Variants in PTK2B observed in about 807,000 individuals in gnomAD.
The protein encoded by PTK2B is protein-tyrosine kinase 2-beta.
A neutral mutation model predicts 142.9 loss-of-function variants in PTK2B; 71 were observed. The observed-to-expected ratio is 0.50, with a 90% CI of 0.41 to 0.61. The LOEUF is 0.61. PTK2B is among the 20% of genes least tolerant of loss of function. PTK2B has a pLI of 0.00. For missense variants in PTK2B, 1,105 were observed against 1,320.4 expected (o/e 0.84, Z 2.53); for synonymous variants, 519 against 503.4 (o/e 1.03, Z -0.42).
intron 1 of PTK2B, among the ~76,000 whole-genome samples, chr8:27,381,676 AT>A (rs1807031900): frequency 6.6e-6 from 1 of 152,208 alleles, no homozygotes; most frequent in Non-Finnish European, 1.5e-5. Context: ...TAGTAGTGGG[AT>A]TGCTAGATCA....
At chr8:27,447,928 C>T (rs1811567737) in intron 24 of PTK2B, among the ~76,000 whole-genome samples, 1 of 152,196 alleles carries the variant, frequency 6.6e-6, no homozygotes, top group Admixed American at 6.5e-5. Flanking sequence ...GATTGCTGGA[C>T]GCTGTCCTCG....
At position 27,352,091 on chromosome 8, in the gene PTK2B, C is replaced by T. The variant is rs538159120; in HGVS notation, c.-38+26410C>T. ...CATCATGGTTGACTCAGGGGACCCA[C>T]GGCGGGGGGGCTGCCTGTCCTCTCC... On this transcript the variant is annotated intron_variant, in intron 1 of 30. Coordinates refer to ENST00000346049, the MANE Select transcript of PTK2B (RefSeq NM_173176.3). Among the ~76,000 whole-genome samples, 16 of 152,286 alleles carry T rather than the reference C, an allele frequency of 1.1e-4. No homozygotes were observed. In the South Asian group the frequency reaches 1.5e-3, roughly 14 times the overall value.
chr8:27,336,938 C>T (rs867951562), intron 1 of PTK2B, among the ~76,000 whole-genome samples: 2 of 152,042 alleles, frequency 1.3e-5, no homozygotes, highest in East Asian at 1.9e-4. Flanking sequence ...TGGATTCAAG[C>T]GATTCTCCTG....
rs182165846 is a variant in PTK2B at position 27,368,278 on chromosome 8, G to A, written c.-37-29270G>A. Among the ~76,000 whole-genome samples the A allele has an allele frequency of 2.9e-3, 434 of 152,260 alleles. 3 individuals carry two copies. The highest frequency in any genetic ancestry group is 0.01 in the African/African-American group (417 of 41,550). On this transcript the variant is annotated intron_variant, in intron 1 of 30. Coordinates refer to ENST00000346049, the MANE Select transcript of PTK2B (RefSeq NM_173176.3). ...ACTGACAAGGACTCCCTCCTTGACC[G>A]AACCTTAGGCAGGCTCCTCTGAGCC...
intron 2 of PTK2B, among the ~76,000 whole-genome samples, chr8:27,403,721 G>T (rs1563256422): frequency 1.3e-5 from 2 of 151,918 alleles, no homozygotes; most frequent in Non-Finnish European, 2.9e-5. Context: ...ACCCAGACGT[G>T]CCCACACAGG....
chr8:27,397,826 C>T, intron 2 of PTK2B, 38 bp downstream of exon 2: 1 of 1,604,274 alleles, frequency 6.2e-7, no homozygotes, highest in Non-Finnish European at 8.5e-7. Context: ...TCTGTCTGTC[C>T]CTCTGTCTTC....
intron 2 of PTK2B, among the ~76,000 whole-genome samples, chr8:27,407,290 A>G (rs912334867): frequency 2.6e-5 from 4 of 152,292 alleles, no homozygotes; most frequent in Middle Eastern, 3.4e-3. Context: ...CTGGGAACAT[A>G]AAACCCTTCA....
In PTK2B at chr8:27,404,350, G is replaced by A. The variant is rs1162570904; in HGVS notation, c.204+6562G>A. On this transcript the variant is annotated intron_variant, in intron 2 of 30. Transcript: ENST00000346049. ...CTGGGGTATGGTGTTGTTCAGAGGT[G>A]CCGATGGAGTCCTCTCTCTCAGCCA... is the stretch of plus-strand genomic sequence containing the variant. Among the ~76,000 whole-genome samples, 4 of 152,196 alleles carry A rather than the reference G, an allele frequency of 2.6e-5. No homozygotes were observed. In the East Asian group the frequency reaches 7.7e-4, roughly 29 times the overall value.
upstream of PTK2B, chr8:27,325,545 T>A (rs1380071382): frequency 6.6e-6 from 1 of 152,438 alleles, no homozygotes; most frequent in Non-Finnish European, 1.5e-5. Context: ...GAATCTAACC[T>A]GTCAGCCCTT....
chr8:27,386,909 TTC>T (rs1210607910), intron 1 of PTK2B, among the ~76,000 whole-genome samples: 2 of 152,136 alleles, frequency 1.3e-5, no homozygotes, highest in South Asian at 2.1e-4. Context: ...CTACTTTTTT[TTC>T]TGTTTATTAC....
chr8:27,370,393 A>G (rs1217621607), intron 1 of PTK2B, among the ~76,000 whole-genome samples: 2 of 152,230 alleles, frequency 1.3e-5, no homozygotes, highest in African/African-American at 4.8e-5. Flanking sequence ...GCCACATTCA[A>G]GACCACGTTA....
rs762133126 is a variant in PTK2B, at chr8:27,437,148, C to G, written c.1368C>G (p.Val456=). The G allele has an allele frequency of 1.4e-5, 23 of 1,613,924 alleles. No homozygotes were observed. The South Asian group carries it at 2.5e-4, about 18-fold the overall frequency. ...AAGGGGAGAAAATCAATGTAGCTGT[C>G]AAGACCTGCAAGAAAGACTGCACTC... is the stretch of plus-strand genomic sequence containing the variant. ...NHKGEKINVA[V]KTCKKDCTLD... is the part of the protein sequence containing the mutation. The change falls in exon 16 of 31, where the codon GTC becomes GTG. Residue 456 remains valine, a synonymous_variant. Coordinates refer to ENST00000346049, the MANE Select transcript of PTK2B (RefSeq NM_173176.3).
At chr8:27,415,917 T>G (rs944301445) in intron 2 of PTK2B, among the ~76,000 whole-genome samples, 4 of 152,220 alleles carry the variant, frequency 2.6e-5, no homozygotes, top group African/African-American at 9.6e-5. Flanking sequence ...GCCATGTTCA[T>G]GTATTACAGG....
intron 24 of PTK2B, among the ~76,000 whole-genome samples, chr8:27,447,913 G>A (rs375375176): frequency 6.6e-6 from 1 of 152,218 alleles, no homozygotes; most frequent in African/African-American, 2.4e-5. Context: ...AGTAGGGCTT[G>A]CTGTGATTGC....
intron 5 of PTK2B, among the ~76,000 whole-genome samples, chr8:27,428,325 C>T (rs961648042): frequency 5.9e-5 from 9 of 152,228 alleles, no homozygotes; most frequent in Admixed American, 5.2e-4. Flanking sequence ...CAGGCCAGGA[C>T]CGGTCCATGG....
Position 27,377,082 on chromosome 8 carries a change from G to A in PTK2B, c.-37-20466G>A, listed in dbSNP as rs180753303. On this transcript the variant is annotated intron_variant, in intron 1 of 30. Transcript: ENST00000346049. The stretch of plus-strand genomic sequence containing the variant: ...AGGAGGGTGCAACTTGTGTCTCACA[G>A]CTCCAGAGGCAGAGCTGCCCCCTGC... Among the ~76,000 whole-genome samples, 295 of 152,226 alleles carry A rather than the reference G, an allele frequency of 1.9e-3. 1 individual carries two copies. Among genetic ancestry groups the A allele is most frequent in the Middle Eastern group, 3.4e-3 (1 of 294 alleles).
chr8:27,400,972 C>A (rs1020038394), intron 2 of PTK2B, among the ~76,000 whole-genome samples: 96 of 125,810 alleles, frequency 7.6e-4, no homozygotes, highest in African/African-American at 2.6e-3. Flanking sequence ...ATAGTGAAAC[C>A]CCATCTCTAC....
upstream of PTK2B, chr8:27,323,422 T>A (rs1403632683): frequency 6.6e-6 from 1 of 152,356 alleles, no homozygotes. Context: ...CTTCTTCTGA[T>A]CCAGGTATGC....
intron 3 of PTK2B, among the ~76,000 whole-genome samples, chr8:27,319,359 AG>A (rs1385935764): frequency 4.6e-5 from 7 of 150,842 alleles, no homozygotes; most frequent in Non-Finnish European, 8.9e-5. Context: ...AAGTTACAAC[AG>A]GGTGGGGCAT....
Sources: allele counts gnomAD v4.1 joint callset (sites outside exome capture counted in the v4.1 genomes callset), GRCh38; gene constraint gnomAD v4.1.1; transcripts MANE v1.5; gene names NCBI Gene and HGNC (gene_info 2026-07-23, HGNC 2026-07-21).